PPP3CA: variants seen among roughly 807,000 people sequenced by gnomAD.
PPP3CA encodes the protein CAM-PRP catalytic subunit.
In PPP3CA, 14 loss-of-function variants were observed where a neutral mutation model predicts 66.5. The ratio of observed to expected loss-of-function variants is 0.21; its 90% CI spans 0.14 to 0.33. The LOEUF is 0.33. PPP3CA is among the 10% of genes least tolerant of loss of function. The probability of loss-of-function intolerance (pLI) is 1.00; values close to 1 mark genes in which losing one functional copy is unlikely to be tolerated. For synonymous variants in PPP3CA, 232 were observed against 226.2 expected (o/e 1.03, Z -0.23); for missense variants, 317 against 639.5 (o/e 0.50, Z 5.44).
intron 2 of PPP3CA, among the ~76,000 whole-genome samples, chr4:101,181,545 A>G (rs1336720047): frequency 6.6e-6 from 1 of 152,146 alleles, no homozygotes; most frequent in Non-Finnish European, 1.5e-5. Flanking sequence ...TAGTTTTGTC[A>G]ATTTTTAACT....
chr4:101,154,982 A>G (rs1034705134), intron 2 of PPP3CA, among the ~76,000 whole-genome samples: 9 of 152,070 alleles, frequency 5.9e-5, no homozygotes, highest in African/African-American at 1.7e-4. Context: ...ACACCCAGCT[A>G]ATTTTTGTAT....
intron 2 of PPP3CA, among the ~76,000 whole-genome samples, chr4:101,124,715 A>AAG (rs1158982381): frequency 7.9e-5 from 7 of 88,080 alleles, no homozygotes; most frequent in Non-Finnish European, 9.4e-5. Flanking sequence ...GAAAGAAAGA[A>AAG]AGAAAGAAAG....
chr4:101,224,726 G>T (rs1224412775), intron 1 of PPP3CA, among the ~76,000 whole-genome samples: 1 of 151,746 alleles, frequency 6.6e-6, no homozygotes, highest in Admixed American at 6.6e-5. Flanking sequence ...AATCGGGGCA[G>T]GGGGGATGGT....
At chr4:101,206,541 T>C (rs1725136248) in intron 1 of PPP3CA, among the ~76,000 whole-genome samples, 1 of 152,224 alleles carries the variant, frequency 6.6e-6, no homozygotes, top group Non-Finnish European at 1.5e-5. Flanking sequence ...GGAAAGAGAT[T>C]GCTGGAATTA....
Position 101,199,517 on chromosome 4 carries a change from A to T in PPP3CA, c.59-3401T>A, listed in dbSNP as rs1477388428. On this transcript the variant is annotated intron_variant, in intron 1 of 13. Transcript: ENST00000394854. Reference sequence around the variant, plus strand: ...AGAATATAGTGCTAAGACTTCTTAGAAGCATCCTAAAAATAGATAGAAACC... The same window carrying T: ...AGAATATAGTGCTAAGACTTCTTAGTAGCATCCTAAAAATAGATAGAAACC... 2.0e-5 allele frequency among the ~76,000 whole-genome samples: 3 copies of T among 152,170 alleles called. No homozygotes were observed. The East Asian group carries it at 5.8e-4, about 29-fold the overall frequency.
intron 1 of PPP3CA, among the ~76,000 whole-genome samples, chr4:101,344,569 G>A (rs188551452): frequency 3.3e-5 from 5 of 152,250 alleles, no homozygotes; most frequent in African/African-American, 1.2e-4. Context: ...CACATAGTAT[G>A]TGAATAAAAT....
At chr4:101,337,075 A>G (rs1302647684) in intron 1 of PPP3CA, among the ~76,000 whole-genome samples, 1 of 152,220 alleles carries the variant, frequency 6.6e-6, no homozygotes, top group Non-Finnish European at 1.5e-5. Context: ...TTAGGCTTAG[A>G]CTATTCTTCA....
Position 101,220,263 on chromosome 4 carries a change from C to T in PPP3CA, c.59-24147G>A, listed in dbSNP as rs1219099594. Reference sequence around the variant, plus strand: ...CTTTCTTAAAATAATTCTATGGATACCCAAAGCTTTCTTTTTCAGAATTAC... The same window carrying T: ...CTTTCTTAAAATAATTCTATGGATATCCAAAGCTTTCTTTTTCAGAATTAC... On this transcript the variant is annotated intron_variant, in intron 1 of 13. Transcript: ENST00000394854. Among the ~76,000 whole-genome samples, 6 of 149,876 alleles carry T rather than the reference C, an allele frequency of 4.0e-5. No homozygotes were observed. The Admixed American group carries it at 4.0e-4, about 10-fold the overall frequency.
At chr4:101,298,053 T>C (rs960679024) in intron 1 of PPP3CA, among the ~76,000 whole-genome samples, 1 of 152,088 alleles carries the variant, frequency 6.6e-6, no homozygotes, top group Non-Finnish European at 1.5e-5. Context: ...TCAGTGGGAA[T>C]AGGCAATTCC....
At chr4:101,124,728 AAAGAAAGAAAGAAAGAAAG>A (rs1722170035) in intron 2 of PPP3CA, among the ~76,000 whole-genome samples, 1 of 52,112 alleles carries the variant, frequency 1.9e-5, no homozygotes, top group African/African-American at 7.4e-5. Flanking sequence ...AAAGAAAGAG[AAAGAAAGAAAGAAAGAAAG>A]AAAGAAAGAA....
intron 2 of PPP3CA, among the ~76,000 whole-genome samples, chr4:101,116,248 GAGTTCCTC>G (rs1283859485): frequency 6.6e-6 from 1 of 151,712 alleles, no homozygotes; most frequent in Non-Finnish European, 1.5e-5. Context: ...TTCACCATTG[GAGTTCCTC>G]ACTACTTTCA....
intron 1 of PPP3CA, among the ~76,000 whole-genome samples, chr4:101,224,086 A>G (rs1015256570): frequency 1.4e-4 from 22 of 151,820 alleles, no homozygotes; most frequent in Admixed American, 8.6e-4. Context: ...AAAGGTGTGA[A>G]GCACAGTTAC....
chr4:101,075,510 C>T lies in PPP3CA; in HGVS notation c.955+5022G>A, dbSNP rs996639594. 3.9e-5 allele frequency among the ~76,000 whole-genome samples: 6 copies of T among 152,220 alleles called. No individual in the cohort carries two copies. In the East Asian group the frequency reaches 1.2e-3, roughly 29 times the overall value. ...CTAATCACCCGTCCATCCAACAACT[C>T]ATCTGAACTACAAAGAACTTGTACC... On this transcript the variant is annotated intron_variant, in intron 8 of 13. Transcript: ENST00000394854.
At chr4:101,198,486 A>T (rs1260229643) in intron 1 of PPP3CA, among the ~76,000 whole-genome samples, 1 of 152,176 alleles carries the variant, frequency 6.6e-6, no homozygotes, top group East Asian at 1.9e-4. Flanking sequence ...TTTAGGCAAC[A>T]GTGAAGGTTT....
At chr4:101,140,159 C>T (rs937366614) in intron 2 of PPP3CA, among the ~76,000 whole-genome samples, 5 of 152,032 alleles carry the variant, frequency 3.3e-5, no homozygotes, top group Non-Finnish European at 7.4e-5. Flanking sequence ...TCATAATTGT[C>T]CAAACATCAC....
intron 8 of PPP3CA, among the ~76,000 whole-genome samples, chr4:101,068,045 G>T (rs1243734627): frequency 6.6e-6 from 1 of 152,044 alleles, no homozygotes; most frequent in Non-Finnish European, 1.5e-5. Flanking sequence ...TAAGACAGGG[G>T]AGAAGAGGTC....
At chr4:101,127,377 G>A (rs547212195) in intron 2 of PPP3CA, among the ~76,000 whole-genome samples, 20 of 152,092 alleles carry the variant, frequency 1.3e-4, no homozygotes, top group African/African-American at 4.3e-4. Context: ...ATCAGGTCAC[G>A]CTTGATTGGG....
intron 2 of PPP3CA, among the ~76,000 whole-genome samples, chr4:101,175,919 A>G (rs1014258621): frequency 1.3e-5 from 2 of 152,168 alleles, no homozygotes; most frequent in African/African-American, 4.8e-5. Flanking sequence ...TACAGAATGG[A>G]TATCTCTAGT....
intron 2 of PPP3CA, among the ~76,000 whole-genome samples, chr4:101,150,675 T>C (rs182086413): frequency 1.2e-3 from 177 of 152,280 alleles, no homozygotes; most frequent in African/African-American, 3.9e-3. Flanking sequence ...AAATAAAGCA[T>C]TATGTATGAT....
Sources: gnomAD v4.1 joint callset for allele counts (sites outside exome capture counted in the v4.1 genomes callset) on GRCh38, gnomAD v4.1.1 for gene constraint, MANE v1.5 for transcripts, NCBI Gene and HGNC (gene_info 2026-07-23, HGNC 2026-07-21) for gene names.